LZTFL1: variants seen among roughly 807,000 people sequenced by gnomAD.
LZTFL1 encodes the protein leucine zipper transcription factor like 1.
A neutral mutation model predicts 45.9 loss-of-function variants in LZTFL1; 25 were observed. The observed-to-expected ratio is 0.54, with a 90% confidence interval of 0.40 to 0.76. The LOEUF is 0.76. Ranked by LOEUF, LZTFL1 falls within the 30% of genes least tolerant of loss-of-function variation. The probability of loss-of-function intolerance (pLI) is 0.00; values close to 1 mark genes in which losing one functional copy is unlikely to be tolerated. For missense variants in LZTFL1, 277 were observed against 331.1 expected (o/e 0.84, Z 1.27); for synonymous variants, 93 against 117.4 (o/e 0.79, Z 1.35).
At chr3:45,879,451 C>T (rs954139502) in intron 2 of LZTFL1, among the ~76,000 whole-genome samples, 6 of 152,036 alleles carry the variant, frequency 3.9e-5, no homozygotes, top group Admixed American at 2.0e-4. Flanking sequence ...TACGGCATTC[C>T]GGAAAAGAAA....
At chr3:45,856,728 C>T (rs1701399397) in intron 3 of LZTFL1, among the ~76,000 whole-genome samples, 5 of 152,060 alleles carry the variant, frequency 3.3e-5, no homozygotes, top group Admixed American at 6.5e-5. Context: ...TGAACAGACA[C>T]GTCTCAAAAG....
intron 4 of LZTFL1, among the ~76,000 whole-genome samples, chr3:45,851,225 ATTTTT>A (rs59845792): frequency 9.6e-5 from 13 of 135,040 alleles, no homozygotes; most frequent in African/African-American, 2.2e-4. Context: ...TTTAGCTGTG[ATTTTT>A]TTTTTTTTTT....
chr3:45,914,638 T>C (rs1023924250), intron 1 of LZTFL1, among the ~76,000 whole-genome samples: 3 of 152,332 alleles, frequency 2.0e-5, no homozygotes, highest in South Asian at 2.1e-4. Flanking sequence ...AGAATCTCTC[T>C]GCAACTTCCT....
intron 2 of LZTFL1, among the ~76,000 whole-genome samples, chr3:45,867,453 C>T (rs535045622): frequency 6.6e-6 from 1 of 152,124 alleles, no homozygotes; most frequent in Non-Finnish European, 1.5e-5. Flanking sequence ...CTAGTCTGAA[C>T]ACATCCATCA....
At chr3:45,826,997 T>C in intron 9 of LZTFL1, 1 of 198,850 alleles carries the variant, frequency 5.0e-6, no homozygotes, top group Non-Finnish European at 1.0e-5. Flanking sequence ...AGGGGAACAG[T>C]AAGACCAGTT....
chr3:45,887,885 GA>G (rs1318998800), intron 2 of LZTFL1, among the ~76,000 whole-genome samples: 1 of 151,340 alleles, frequency 6.6e-6, no homozygotes, highest in Non-Finnish European at 1.5e-5. Flanking sequence ...GCAGAGCTAT[GA>G]AAAAATGTAA....
intron 2 of LZTFL1, among the ~76,000 whole-genome samples, chr3:45,888,711 G>A (rs529727003): frequency 6.6e-6 from 1 of 152,118 alleles, no homozygotes; most frequent in African/African-American, 2.4e-5. Context: ...TATTTTTCCC[G>A]CTTTCTCACT....
Position 45,839,050 on chromosome 3 carries a change from C to A in LZTFL1, c.4-999G>T, listed in dbSNP as rs143068183. On this transcript the variant is annotated intron_variant, in intron 1 of 9. Transcript: ENST00000296135. Reference sequence around the variant, plus strand: ...AATATCCCACAATTTAGAAATATCACAAAACAATGTCACAATTTGCTAAAA... The same window carrying A: ...AATATCCCACAATTTAGAAATATCAAAAAACAATGTCACAATTTGCTAAAA... Among the ~76,000 whole-genome samples, 936 of 152,246 alleles carry A rather than the reference C, an allele frequency of 6.1e-3. 4 individuals carry two copies. Among genetic ancestry groups the A allele is most frequent in the Middle Eastern group, 0.02 (6 of 294 alleles).
rs1700611342 is a variant in LZTFL1 at position 45,824,367 on chromosome 3, AC to A, written c.*1946del. 1 of 130,600 alleles carries A rather than the reference AC, an allele frequency of 7.7e-6. No homozygotes were observed. Among genetic ancestry groups the A allele is most frequent in the African/African-American group, 2.7e-5 (1 of 37,540 alleles). 8.1% of individuals were successfully genotyped at this position (130,600 alleles called of 1,614,324 possible). A position where few individuals can be genotyped will look rare whatever the true frequency, so the allele number is the denominator to read the frequency against. Reference sequence around the variant, plus strand: ...TTTGCTAAAGGGTATAGAGTAAATAACAACAACAACAACAACAACAAAAATG... The same window carrying A: ...TTTGCTAAAGGGTATAGAGTAAATAAAACAACAACAACAACAACAAAAATG... On this transcript the variant is annotated 3_prime_UTR_variant, in exon 10 of 10. Transcript: ENST00000296135.
At chr3:45,885,297 T>A (rs1251029925) in intron 2 of LZTFL1, among the ~76,000 whole-genome samples, 1 of 152,210 alleles carries the variant, frequency 6.6e-6, no homozygotes, top group Non-Finnish European at 1.5e-5. Flanking sequence ...GGGATCTTTG[T>A]CATAACAATG....
chr3:45,878,342 G>A (rs1374701131), intron 2 of LZTFL1, among the ~76,000 whole-genome samples: 8 of 152,116 alleles, frequency 5.3e-5, no homozygotes, highest in Admixed American at 5.2e-4. Flanking sequence ...AGAAACTGAG[G>A]CTATTTTCAT....
intron 2 of LZTFL1, among the ~76,000 whole-genome samples, chr3:45,894,571 C>T (rs891953212): frequency 1.3e-5 from 2 of 152,270 alleles, no homozygotes; most frequent in East Asian, 1.9e-4. Flanking sequence ...AAAGGATGAG[C>T]TGGGAAAAAT....
chr3:45,884,529 A>G (rs907842054), intron 2 of LZTFL1, among the ~76,000 whole-genome samples: 1 of 152,122 alleles, frequency 6.6e-6, no homozygotes, highest in African/African-American at 2.4e-5. Flanking sequence ...GGACCCGTGC[A>G]GAGGAGGGAA....
chr3:45,899,064 G>A (rs1036851082), intron 2 of LZTFL1, among the ~76,000 whole-genome samples: 2 of 152,220 alleles, frequency 1.3e-5, no homozygotes, highest in Non-Finnish European at 2.9e-5. Flanking sequence ...TACTCAGGAG[G>A]CTGAGGCAGG....
At position 45,908,793 on chromosome 3, in the gene LZTFL1, A is replaced by T. The variant is rs72890701; in HGVS notation, c.-215+4327T>A. ...TTAAACTTTTTAATTACAGAAATTTAAAAACATACACAAAAGCAGAGGGAA... is the reference window on the plus strand; with the variant it reads ...TTAAACTTTTTAATTACAGAAATTTTAAAACATACACAAAAGCAGAGGGAA... On this transcript the variant is annotated intron_variant, in intron 2 of 4. Coordinates refer to the LZTFL1 transcript ENST00000472635. Among the ~76,000 whole-genome samples, 933 of 152,358 alleles carry T rather than the reference A, an allele frequency of 6.1e-3. 11 individuals are homozygous for T. Among genetic ancestry groups the T allele is most frequent in the African/African-American group, 0.021 (856 of 41,588 alleles).
intron 2 of LZTFL1, among the ~76,000 whole-genome samples, chr3:45,881,730 G>A (rs1701864235): frequency 1.3e-5 from 2 of 152,186 alleles, no homozygotes; most frequent in African/African-American, 4.8e-5. Flanking sequence ...GCTAAAGCCT[G>A]CCCTGGCTTG....
At chr3:45,886,237 G>C (rs1007400741) in intron 2 of LZTFL1, among the ~76,000 whole-genome samples, 7 of 152,146 alleles carry the variant, frequency 4.6e-5, no homozygotes, top group Admixed American at 6.5e-5. Flanking sequence ...CCTCTGGCAA[G>C]CCTGACAAGG....
At chr3:45,881,576 A>G (rs893713456) in intron 2 of LZTFL1, among the ~76,000 whole-genome samples, 1 of 152,198 alleles carries the variant, frequency 6.6e-6, no homozygotes, top group Non-Finnish European at 1.5e-5. Context: ...TGGTAACTGA[A>G]TTTAGCAAAA....
intron 7 of LZTFL1, 147 bp from the exon 8 acceptor site, chr3:45,828,762 C>A: frequency 1.5e-6 from 1 of 686,860 alleles, no homozygotes. Flanking sequence ...TAGGTAAGTG[C>A]CAGCCCCTTC....
Sources: gnomAD v4.1 joint callset for allele counts (sites outside exome capture counted in the v4.1 genomes callset) on GRCh38, gnomAD v4.1.1 for gene constraint, MANE v1.5 for transcripts, NCBI Gene and HGNC (gene_info 2026-07-23, HGNC 2026-07-21) for gene names.